SNX13: variants seen among roughly 807,000 people sequenced by gnomAD.
SNX13 encodes sorting nexin-13.
SNX13 carries 45 observed loss-of-function variants against 133.6 expected under a neutral mutation model. That is an observed-to-expected ratio of 0.34 (90% CI 0.27 to 0.43). SNX13 has a LOEUF of 0.43. Ranked by LOEUF, SNX13 falls within the 20% of genes least tolerant of loss-of-function variation. The pLI is 1.00. For missense variants in SNX13, 1,032 were observed against 1,145.1 expected (o/e 0.90, Z 1.43); for synonymous variants, 414 against 373.9 (o/e 1.11, Z -1.24).
chr7:17,851,423 T>A lies in SNX13; in HGVS notation c.838-459A>T, dbSNP rs533986173. On this transcript the variant is annotated intron_variant, in intron 9 of 25. Coordinates refer to ENST00000428135, the MANE Select transcript of SNX13 (RefSeq NM_015132.5). ...ACTGTGTTGTTGTATAAAAATAGAA[T>A]AAAGGCAGAGCCAAAATCAGAAAAA... Among the ~76,000 whole-genome samples the A allele has an allele frequency of 5.9e-5, 9 of 152,172 alleles. No individual in the cohort carries two copies. In the East Asian group the frequency reaches 1.5e-3, roughly 26 times the overall value.
chr7:17,855,530 C>A (rs1286275712), intron 9 of SNX13, among the ~76,000 whole-genome samples: 1 of 152,176 alleles, frequency 6.6e-6, no homozygotes, highest in Non-Finnish European at 1.5e-5. Context: ...TGCTCATTTA[C>A]CATTCCAAAA....
intron 20 of SNX13, among the ~76,000 whole-genome samples, chr7:17,804,176 G>C (rs1784933833): frequency 6.6e-6 from 1 of 151,668 alleles, no homozygotes; most frequent in South Asian, 2.1e-4. Flanking sequence ...AAGAAATTTT[G>C]AATAAAAAAA....
chr7:17,852,368 G>C (rs544205702), intron 9 of SNX13, among the ~76,000 whole-genome samples: 1 of 151,440 alleles, frequency 6.6e-6, no homozygotes, highest in South Asian at 2.1e-4. Context: ...GTGAGATTCC[G>C]TCTCAAAAAG....
At position 17,918,916 on chromosome 7, in the gene SNX13, G is replaced by A. The variant is rs938636959; in HGVS notation, c.12+21368C>T. ...GTACATATACTACGCAGCCACAAAA[G>A]AGAATGAAATCATGTCCTTTGCAGC... On this transcript the variant is annotated intron_variant, in intron 1 of 25. Transcript: ENST00000428135. Among the ~76,000 whole-genome samples, 3 of 152,172 alleles carry A rather than the reference G, an allele frequency of 2.0e-5. No homozygotes were observed. The East Asian group carries it at 5.8e-4, about 29-fold the overall frequency.
chr7:17,872,487 G>A (rs1794230392), intron 8 of SNX13, among the ~76,000 whole-genome samples: 1 of 152,158 alleles, frequency 6.6e-6, no homozygotes, highest in Non-Finnish European at 1.5e-5. Flanking sequence ...TGAATCTAGT[G>A]ATAGACATCC....
chr7:17,878,932 T>C (rs920348576), intron 5 of SNX13, among the ~76,000 whole-genome samples: 1 of 152,122 alleles, frequency 6.6e-6, no homozygotes, highest in African/African-American at 2.4e-5. Context: ...CTACTCTCCA[T>C]AAATTTTCCT....
At chr7:17,891,420 T>C (rs1243949198) in intron 4 of SNX13, 126 bp downstream of exon 4, 8 of 574,950 alleles carry the variant, frequency 1.4e-5, no homozygotes, top group African/African-American at 7.6e-5. Context: ...AAGTATAAAA[T>C]TCAAGGATAA....
At chr7:17,885,750 C>T (rs1795916831) in intron 5 of SNX13, among the ~76,000 whole-genome samples, 1 of 152,190 alleles carries the variant, frequency 6.6e-6, no homozygotes, top group Non-Finnish European at 1.5e-5. Context: ...ATCGCTTGAA[C>T]CTGTGAGGCG....
Position 17,801,681 on chromosome 7 carries a change from C to T in SNX13, c.2227-22G>A, listed in dbSNP as rs1253780129. 7.0e-6 allele frequency: 11 copies of T among 1,564,078 alleles called. No homozygotes were observed. In the South Asian group the frequency reaches 1.0e-4, roughly 15 times the overall value. ...GCACCTAAAAATAAAACCAAATCCA[C>T]AAAGTAAACACACTAAAGCAGACAG... On this transcript the variant is annotated intron_variant, in intron 21 of 25. Transcript: ENST00000428135.
chr7:17,813,873 A>T (rs953889986), intron 20 of SNX13, among the ~76,000 whole-genome samples: 1 of 152,204 alleles, frequency 6.6e-6, no homozygotes, highest in Non-Finnish European at 1.5e-5. Context: ...GGCATGAGCC[A>T]CTGTGCTTGG....
intron 13 of SNX13, among the ~76,000 whole-genome samples, chr7:17,839,446 C>T (rs1789599213): frequency 6.6e-6 from 1 of 151,778 alleles, no homozygotes; most frequent in Non-Finnish European, 1.5e-5. Context: ...ATTAAATGTA[C>T]ATATGTTTAA....
intron 9 of SNX13, among the ~76,000 whole-genome samples, chr7:17,855,340 T>C (rs749015454): frequency 6.6e-6 from 1 of 152,214 alleles, no homozygotes; most frequent in Non-Finnish European, 1.5e-5. Context: ...TCTAGATCAC[T>C]GATAATGATG....
At position 17,794,242 on chromosome 7, in the gene SNX13, G is replaced by T. The variant is rs746342625; in HGVS notation, c.2677C>A (p.Arg893Ser). Reference sequence around the variant, plus strand: ...TTGTGCTGAAACATTTCAAAAACACGAAGAATACCTTTCCGTGTTGTCTCA... The same window carrying T: ...TTGTGCTGAAACATTTCAAAAACACTAAGAATACCTTTCCGTGTTGTCTCA... ...GAETTRKGIL[R>S]VFEMFQHNQL... The change falls in exon 26 of 26, where the codon CGT (arginine) becomes AGT (serine). Residue 893 changes from arginine to serine, a missense_variant. Physicochemically the swap from Arg to Ser is moderately radical, Grantham distance 110. Transcript: ENST00000428135. 3.7e-6 allele frequency: 6 copies of T among 1,611,350 alleles called. No homozygotes were observed. Among genetic ancestry groups the T allele is most frequent in the Non-Finnish European group, 5.1e-6 (6 of 1,178,410 alleles).
At chr7:17,896,269 T>C (rs1284467594) in intron 2 of SNX13, among the ~76,000 whole-genome samples, 1 of 152,192 alleles carries the variant, frequency 6.6e-6, no homozygotes, top group East Asian at 1.9e-4. Flanking sequence ...GTATCGTATC[T>C]AGGCCATAGA....
At chr7:17,859,585 TG>T (rs950948276) in intron 9 of SNX13, among the ~76,000 whole-genome samples, 4 of 152,084 alleles carry the variant, frequency 2.6e-5, no homozygotes, top group African/African-American at 9.7e-5. Flanking sequence ...AAGTTAACAG[TG>T]GTATAAACTA....
chr7:17,935,619 A>C (rs1293179040), intron 1 of SNX13, among the ~76,000 whole-genome samples: 2 of 152,242 alleles, frequency 1.3e-5, no homozygotes, highest in Non-Finnish European at 2.9e-5. Context: ...GTCAATTAAA[A>C]TAATATTTAA....
intron 1 of SNX13, among the ~76,000 whole-genome samples, chr7:17,904,769 G>C (rs1798216544): frequency 6.6e-6 from 1 of 152,272 alleles, no homozygotes; most frequent in African/African-American, 2.4e-5. Flanking sequence ...AAAATAAGTA[G>C]CCATAAGAAG....
At position 17,897,438 on chromosome 7, in the gene SNX13, T is replaced by A; in HGVS notation, c.21A>T (p.Leu7=). The A allele has an allele frequency of 1.9e-6, 3 of 1,567,330 alleles. No individual in the cohort carries two copies. The highest frequency in any genetic ancestry group is 2.4e-5 in the South Asian group (2 of 82,000). The change falls in exon 2 of 26, where the codon CTA becomes CTT. Residue 7 remains leucine, a synonymous_variant. Transcript: ENST00000428135. The part of the protein sequence containing the change: MLTEAS[L]SIWGWGSLGI... ...CAAGGCTTCCCCATCCCCATATGGA[T>A]AGACTGGCCTGAAATACAGAAAAAA...
chr7:17,821,440 C>T, intron 18 of SNX13, 69 bp downstream of exon 18: 5 of 1,426,730 alleles, frequency 3.5e-6, no homozygotes, highest in Non-Finnish European at 4.8e-6. Context: ...ATCTGGGCAT[C>T]CTCAGATTTA....
Sources: allele counts gnomAD v4.1 joint callset (sites outside exome capture counted in the v4.1 genomes callset), GRCh38; gene constraint gnomAD v4.1.1; transcripts MANE v1.5; gene names NCBI Gene and HGNC (gene_info 2026-07-23, HGNC 2026-07-21).